PHACTR1: variants seen among roughly 807,000 people sequenced by gnomAD.
PHACTR1 encodes phosphatase and actin regulator 1, also known as RPEL repeat containing 1.
A neutral mutation model predicts 69.2 loss-of-function variants in PHACTR1; 16 were observed. The observed-to-expected ratio is 0.23, with a 90% CI of 0.16 to 0.35. PHACTR1 has a LOEUF of 0.35. Among genes scored for constraint, PHACTR1 ranks in the 10% least tolerant of loss-of-function variants. The pLI, the probability that PHACTR1 is intolerant of heterozygous loss-of-function variation, is 1.00. For missense variants in PHACTR1, 510 were observed against 734.7 expected (o/e 0.69, Z 3.54); for synonymous variants, 312 against 284.5 (o/e 1.10, Z -0.97).
At chr6:12,884,153 C>T (rs193050798) in intron 4 of PHACTR1, among the ~76,000 whole-genome samples, 40 of 152,308 alleles carry the variant, frequency 2.6e-4, no homozygotes, top group African/African-American at 9.1e-4. Flanking sequence ...TATGCAAACA[C>T]ATATACATAC....
chr6:13,041,341 C>CACAT (rs1804112112), intron 4 of PHACTR1, among the ~76,000 whole-genome samples: 1 of 128,620 alleles, frequency 7.8e-6, no homozygotes, highest in Non-Finnish European at 1.7e-5. Context: ...AAAATACATA[C>CACAT]ACACACACAC....
chr6:12,753,959 TATATATATA>T (rs1561851169), intron 4 of PHACTR1, among the ~76,000 whole-genome samples: 3 of 104,622 alleles, frequency 2.9e-5, no homozygotes, highest in South Asian at 2.6e-4. Flanking sequence ...TATATATATA[TATATATATA>T]TATTTTTTTT....
At chr6:13,047,889 G>A (rs376279305) in intron 4 of PHACTR1, among the ~76,000 whole-genome samples, 8 of 152,102 alleles carry the variant, frequency 5.3e-5, no homozygotes, top group South Asian at 4.2e-4. Context: ...CCCGAGCCCC[G>A]GCCCAGCTCC....
intron 8 of PHACTR1, among the ~76,000 whole-genome samples, chr6:13,215,616 A>G (rs1329844048): frequency 6.6e-6 from 1 of 152,244 alleles, no homozygotes; most frequent in East Asian, 1.9e-4. Flanking sequence ...GAGCCAACAG[A>G]GAGGACACTG....
At chr6:12,976,923 T>C (rs6458577) in intron 4 of PHACTR1, among the ~76,000 whole-genome samples, 10,385 of 152,228 alleles carry the variant, frequency 0.068, 757 homozygotes, top group African/African-American at 0.18. Flanking sequence ...TAGATATGTA[T>C]GTATAGGAAA....
chr6:12,935,497 G>A (rs1789350403), intron 4 of PHACTR1, among the ~76,000 whole-genome samples: 1 of 152,134 alleles, frequency 6.6e-6, no homozygotes, highest in South Asian at 2.1e-4. Context: ...GCCTGCCTCG[G>A]CCTCCCAAAG....
chr6:12,780,648 G>A (rs1431451269), intron 4 of PHACTR1, among the ~76,000 whole-genome samples: 3 of 152,142 alleles, frequency 2.0e-5, no homozygotes, highest in Non-Finnish European at 4.4e-5. Context: ...AGCGTAAACA[G>A]CGACATGCTC....
intron 4 of PHACTR1, among the ~76,000 whole-genome samples, chr6:12,928,599 C>A (rs1788526111): frequency 1.5e-5 from 2 of 135,316 alleles, no homozygotes; most frequent in Non-Finnish European, 3.0e-5. Flanking sequence ...TTCCATCTGT[C>A]CATCCACCCA....
chr6:13,043,690 T>C (rs1012488966), intron 4 of PHACTR1, among the ~76,000 whole-genome samples: 6 of 152,198 alleles, frequency 3.9e-5, no homozygotes, highest in African/African-American at 1.4e-4. Context: ...CAGAAAGAGT[T>C]TGCTTACCCC....
Position 13,058,434 on chromosome 6 carries a change from G to GA in PHACTR1, c.415+4912dup, listed in dbSNP as rs544991370. On this transcript the variant is annotated intron_variant, in intron 5 of 14. Transcript: ENST00000332995. ...CTAGGGTCTTGGTTGTTGGTGGGGA[G>GA]AAAAAAACATGAAAAACTTTTACTG... is the stretch of plus-strand genomic sequence containing the variant. Among the ~76,000 whole-genome samples, 18 of 152,186 alleles carry GA rather than the reference G, an allele frequency of 1.2e-4. No individual in the cohort carries two copies. The East Asian group carries it at 2.7e-3, about 23-fold the overall frequency.
At chr6:13,056,061 C>G (rs1227511066) in intron 5 of PHACTR1, among the ~76,000 whole-genome samples, 1 of 152,162 alleles carries the variant, frequency 6.6e-6, no homozygotes, top group Admixed American at 6.5e-5. Flanking sequence ...TACAGTATAT[C>G]TTTATATCAT....
intron 5 of PHACTR1, among the ~76,000 whole-genome samples, chr6:13,059,287 G>A (rs879611461): frequency 1.3e-5 from 2 of 152,084 alleles, no homozygotes; most frequent in Admixed American, 6.5e-5. Flanking sequence ...TAGAAGGGTG[G>A]TTGCCAGGGG....
intron 5 of PHACTR1, among the ~76,000 whole-genome samples, chr6:13,059,412 T>G (rs1008401134): frequency 1.3e-5 from 2 of 151,996 alleles, no homozygotes; most frequent in Non-Finnish European, 2.9e-5. Context: ...TCCAGTATTG[T>G]GCACTTAAAA....
At chr6:12,952,912 A>G (rs1791459121) in intron 4 of PHACTR1, among the ~76,000 whole-genome samples, 2 of 152,238 alleles carry the variant, frequency 1.3e-5, no homozygotes, top group South Asian at 4.1e-4. Context: ...AAACTGAATT[A>G]TGGTAGAAAC....
chr6:13,100,657 C>T (rs1318202542), intron 5 of PHACTR1, among the ~76,000 whole-genome samples: 2 of 152,208 alleles, frequency 1.3e-5, no homozygotes, highest in Non-Finnish European at 2.9e-5. Flanking sequence ...TGATTACCCT[C>T]ACCAAATTGT....
intron 6 of PHACTR1, among the ~76,000 whole-genome samples, chr6:13,172,654 C>T (rs1760781400): frequency 6.6e-6 from 1 of 152,190 alleles, no homozygotes; most frequent in African/African-American, 2.4e-5. Context: ...TGCATCTCAC[C>T]TATTTAATGT....
chr6:13,265,729 TC>T (rs544001696), intron 10 of PHACTR1, among the ~76,000 whole-genome samples: 38 of 152,280 alleles, frequency 2.5e-4, no homozygotes, highest in Admixed American at 6.5e-4. Flanking sequence ...ATATTTTCTT[TC>T]CCATTACGTT....
intron 4 of PHACTR1, among the ~76,000 whole-genome samples, chr6:13,043,551 A>T (rs1425897608): frequency 3.3e-5 from 5 of 152,228 alleles, no homozygotes; most frequent in African/African-American, 4.8e-5. Context: ...ATAAAGTTTT[A>T]TTGGAATACA....
chr6:12,765,308 A>G (rs778904791), intron 4 of PHACTR1, among the ~76,000 whole-genome samples: 2 of 152,230 alleles, frequency 1.3e-5, no homozygotes, highest in Non-Finnish European at 2.9e-5. Context: ...ATCAACAACT[A>G]AATCTATCAG....
Sources: allele counts gnomAD v4.1 joint callset (sites outside exome capture counted in the v4.1 genomes callset), GRCh38; gene constraint gnomAD v4.1.1; transcripts MANE v1.5; gene names NCBI Gene and HGNC (gene_info 2026-07-23, HGNC 2026-07-21).